Variants in AAMDC observed in about 807,000 individuals in gnomAD.
The protein encoded by AAMDC is mth938 domain-containing protein.
Under a neutral mutation model 15.5 loss-of-function variants are expected in AAMDC, and 16 were observed. The ratio of observed to expected loss-of-function variants is 1.03; its 90% CI spans 0.70 to 1.57. AAMDC has a LOEUF of 1.57. Among genes scored for constraint, AAMDC ranks in the 40% most tolerant of loss-of-function variants. The probability of loss-of-function intolerance (pLI) is 0.00; values close to 1 mark genes in which losing one functional copy is unlikely to be tolerated. For synonymous variants in AAMDC, 51 were observed against 51.6 expected (o/e 0.99, Z 0.05); for missense variants, 141 against 144.9 (o/e 0.97, Z 0.14).
chr11:77,883,690 T>C, intron 5 of AAMDC: 1 of 840,396 alleles, frequency 1.2e-6, no homozygotes, highest in Non-Finnish European at 1.8e-6. Flanking sequence ...ACTTAATGAG[T>C]GCTTATAAAC....
At chr11:77,824,804 C>CTA (rs1301338666) in intron 1 of AAMDC, among the ~76,000 whole-genome samples, 1 of 152,180 alleles carries the variant, frequency 6.6e-6, no homozygotes. Context: ...TCATTGAACT[C>CTA]TATAAACACT....
At chr11:77,825,356 T>G (rs1022254463) in intron 1 of AAMDC, among the ~76,000 whole-genome samples, 2 of 152,034 alleles carry the variant, frequency 1.3e-5, no homozygotes, top group Non-Finnish European at 2.9e-5. Flanking sequence ...TAGAGCCAAT[T>G]TGGGGAATTC....
In AAMDC at chr11:77,825,213, A is replaced by C. The variant is rs57385645; in HGVS notation, c.-19+3972A>C. On this transcript the variant is annotated intron_variant, in intron 1 of 3. Transcript: ENST00000393427. ...TAGCCAGGATGGTCTCGATCTCCTGACCTTGTGATCTGCTCACCTCAGCCT... is the reference window on the plus strand; with the variant it reads ...TAGCCAGGATGGTCTCGATCTCCTGCCCTTGTGATCTGCTCACCTCAGCCT... Among the ~76,000 whole-genome samples the C allele has an allele frequency of 9.5e-3, 1,430 of 151,232 alleles. 23 individuals carry two copies. The highest frequency in any genetic ancestry group is 0.031 in the African/African-American group (1,281 of 41,162).
At chr11:77,849,970 G>A (rs1403809104) in intron 2 of AAMDC, among the ~76,000 whole-genome samples, 1 of 152,130 alleles carries the variant, frequency 6.6e-6, no homozygotes, top group East Asian at 1.9e-4. Context: ...ATTATAATGA[G>A]GATCTGTTTC....
intron 5 of AAMDC, among the ~76,000 whole-genome samples, chr11:77,882,403 C>T (rs1951829342): frequency 6.7e-6 from 1 of 148,670 alleles, no homozygotes; most frequent in African/African-American, 2.5e-5. Flanking sequence ...ACAAGTCAGA[C>T]CCTCTCAAGA....
intron 1 of AAMDC, among the ~76,000 whole-genome samples, chr11:77,821,896 G>A (rs983540418): frequency 1.2e-4 from 18 of 152,034 alleles, no homozygotes; most frequent in African/African-American, 4.3e-4. Flanking sequence ...CACTGTGGAG[G>A]TTTCTTTATT....
Position 77,821,235 on chromosome 11 carries a change from G to C in AAMDC, c.-25G>C. On this transcript the variant is annotated 5_prime_UTR_variant, in exon 1 of 4. Coordinates refer to ENST00000393427, the MANE Select transcript of AAMDC (RefSeq NM_024684.4). ...GGGAACGCAACTTTGAGGAGACAGTGCGGTGGGTGAGTTTGCGGGGGAATC... is the reference window on the plus strand; with the variant it reads ...GGGAACGCAACTTTGAGGAGACAGTCCGGTGGGTGAGTTTGCGGGGGAATC... 1 of 260,316 alleles carries C rather than the reference G, an allele frequency of 3.8e-6. No individual in the cohort carries two copies. Among genetic ancestry groups the C allele is most frequent in the Non-Finnish European group, 7.3e-6 (1 of 137,812 alleles). The allele number at this position is 260,316 out of a possible 1,614,324, so 16.1% of individuals were successfully genotyped here. A position where few individuals can be genotyped will look rare whatever the true frequency, so the allele number is the denominator to read the frequency against.
chr11:77,874,741 TAAGAC>T (rs919788974), downstream of AAMDC, among the ~76,000 whole-genome samples: 1 of 152,098 alleles, frequency 6.6e-6, no homozygotes. Context: ...CCTGAGTGGT[TAAGAC>T]AAGAAGTTGG....
intron 5 of AAMDC, among the ~76,000 whole-genome samples, chr11:77,886,031 C>T (rs891656966): frequency 1.3e-4 from 20 of 151,692 alleles, no homozygotes; most frequent in Non-Finnish European, 1.5e-5. Context: ...TAAGACCCCC[C>T]AATCTCCACA....
intron 5 of AAMDC, among the ~76,000 whole-genome samples, chr11:77,878,204 T>C (rs565770367): frequency 8.6e-5 from 13 of 151,886 alleles, no homozygotes; most frequent in Admixed American, 2.6e-4. Context: ...CTACTAAAAA[T>C]ACAAAAAATT....
Position 77,878,564 on chromosome 11 carries a change from T to A in AAMDC, c.328+1515T>A. On this transcript the variant is annotated intron_variant, in intron 5 of 5. Transcript: ENST00000304716. ...TGGAGTTGCCCTGACAAACACACCG[T>A]CACTTTAAGAAATAAGACTATAGCT... is the stretch of plus-strand genomic sequence containing the variant. 2 of 510,152 alleles carry A rather than the reference T, an allele frequency of 3.9e-6. 1 individual carries two copies. Among genetic ancestry groups the A allele is most frequent in the Non-Finnish European group, 6.9e-6 (2 of 289,808 alleles). 31.6% of individuals were successfully genotyped at this position (510,152 alleles called of 1,614,324 possible). A position where few individuals can be genotyped will look rare whatever the true frequency, so the allele number is the denominator to read the frequency against.
At chr11:77,824,234 G>A in intron 1 of AAMDC, among the ~76,000 whole-genome samples, 1 of 152,210 alleles carries the variant, frequency 6.6e-6, no homozygotes, top group East Asian at 1.9e-4. Flanking sequence ...GACAATTTAT[G>A]TAGTTATATA....
intron 5 of AAMDC, among the ~76,000 whole-genome samples, chr11:77,891,087 C>G (rs564144517): frequency 6.6e-6 from 1 of 152,148 alleles, no homozygotes; most frequent in Non-Finnish European, 1.5e-5. Flanking sequence ...CTCTTTATGT[C>G]AACTCCTCCT....
chr11:77,879,537 T>G (rs926145974), intron 5 of AAMDC, among the ~76,000 whole-genome samples: 7 of 152,224 alleles, frequency 4.6e-5, no homozygotes, highest in African/African-American at 1.7e-4. Flanking sequence ...CAGGGCTGCA[T>G]GTACCACAGA....
At chr11:77,872,806 G>A (rs1029887268), downstream of AAMDC, among the ~76,000 whole-genome samples, 2 of 152,156 alleles carry the variant, frequency 1.3e-5, no homozygotes, top group South Asian at 2.1e-4. Context: ...AAATTAGCTG[G>A]GCATGGTGGC....
At chr11:77,872,427 C>G (rs558708060), downstream of AAMDC, 1 of 1,335,260 alleles carries the variant, frequency 7.5e-7, no homozygotes, top group East Asian at 2.5e-5. Context: ...CATGCCAGGT[C>G]CTGTGCTAGG....
chr11:77,847,737 A>G (rs1213725437), intron 2 of AAMDC, among the ~76,000 whole-genome samples: 1 of 152,238 alleles, frequency 6.6e-6, no homozygotes, highest in Non-Finnish European at 1.5e-5. Context: ...TTAATAAGTC[A>G]TAACCACTTT....
downstream of AAMDC, among the ~76,000 whole-genome samples, chr11:77,872,723 A>C (rs759602903): frequency 6.6e-6 from 1 of 152,140 alleles, no homozygotes; most frequent in Non-Finnish European, 1.5e-5. Context: ...CGAGGTGGGC[A>C]GATCACTTGA....
chr11:77,889,151 A>G (rs913454110), intron 5 of AAMDC, among the ~76,000 whole-genome samples: 1 of 152,196 alleles, frequency 6.6e-6, no homozygotes, highest in African/African-American at 2.4e-5. Context: ...CACCACTCAC[A>G]ATAGCAAAGA....
Sources: gnomAD v4.1 joint callset for allele counts (sites outside exome capture counted in the v4.1 genomes callset) on GRCh38, gnomAD v4.1.1 for gene constraint, MANE v1.5 for transcripts, NCBI Gene and HGNC (gene_info 2026-07-23, HGNC 2026-07-21) for gene names.